Variants in GFOD2 observed in about 807,000 individuals in gnomAD.
The protein encoded by GFOD2 is glucose-fructose oxidoreductase domain-containing protein 2.
In GFOD2, 9 loss-of-function variants were observed where a neutral mutation model predicts 24.6. The observed-to-expected ratio is 0.37, with a 90% confidence interval of 0.22 to 0.64. The LOEUF is 0.64. GFOD2 is among the 30% of genes least tolerant of loss of function. The probability of loss-of-function intolerance (pLI) is 0.65; values close to 1 mark genes in which losing one functional copy is unlikely to be tolerated. For missense variants in GFOD2, 476 were observed against 532.5 expected, an observed-to-expected ratio of 0.89 and a Z score of 1.04; for synonymous variants, 211 against 224.8, an observed-to-expected ratio of 0.94 and a Z score of 0.55.
chr16:67,682,800 G>A (rs2053237760), intron 2 of GFOD2: 3 of 985,376 alleles, frequency 3.0e-6, no homozygotes, highest in Non-Finnish European at 3.6e-6. Context: ...ATGTAACCAA[G>A]ATGTCATTCC....
rs201012397 is a variant in GFOD2 at position 67,675,296 on chromosome 16, C to T, written c.1017G>A (p.Glu339=). 4.4e-3 allele frequency: 7,074 copies of T among 1,612,976 alleles called. 321 individuals carry two copies. The South Asian group carries it at 0.074, about 17-fold the overall frequency. ...RTPVSMAASF[E]DGLYMQSVVD... ...CCACGCTCTGCATGTACAGCCCATC[C>T]TCGAAGGAGGCGGCCATGGAGACAG... The change falls in exon 3 of 3, where the codon GAG becomes GAA. Residue 339 remains glutamate, a synonymous_variant. Coordinates refer to ENST00000268797, the MANE Select transcript of GFOD2 (RefSeq NM_030819.4).
At chr16:67,703,800 G>A (rs2053420289) in intron 1 of GFOD2, among the ~76,000 whole-genome samples, 1 of 152,188 alleles carries the variant, frequency 6.6e-6, no homozygotes, top group African/African-American at 2.4e-5. Context: ...GCTAGAGGCA[G>A]TGTACAGGCA....
At chr16:67,695,316 T>C (rs1597798077) in intron 1 of GFOD2, among the ~76,000 whole-genome samples, 1 of 152,058 alleles carries the variant, frequency 6.6e-6, no homozygotes, top group South Asian at 2.1e-4. Context: ...CTCTTTTCTC[T>C]TTGCTAATTC....
intron 1 of GFOD2, among the ~76,000 whole-genome samples, chr16:67,705,488 G>A (rs1413234132): frequency 2.0e-5 from 3 of 152,154 alleles, no homozygotes; most frequent in Non-Finnish European, 4.4e-5. Context: ...GAACACAGGC[G>A]TGAGCCACTG....
At chr16:67,682,444 T>C (rs1038516269) in intron 2 of GFOD2, 5 of 985,266 alleles carry the variant, frequency 5.1e-6, no homozygotes, top group Non-Finnish European at 6.0e-6. Context: ...GCAAAGATGC[T>C]AGGGGCACCT....
At chr16:67,716,949 T>G (rs570682586) in intron 1 of GFOD2, among the ~76,000 whole-genome samples, 9 of 152,322 alleles carry the variant, frequency 5.9e-5, no homozygotes, top group African/African-American at 1.9e-4. Context: ...CAGGCTGGAG[T>G]GCAATGGCGC....
At chr16:67,717,790 C>CGATA (rs56029322) in intron 1 of GFOD2, among the ~76,000 whole-genome samples, 32,348 of 151,056 alleles carry the variant, frequency 0.21, 4,294 homozygotes, top group African/African-American at 0.38. Context: ...GACTCCGTCT[C>CGATA]GATAGATAGA....
intron 2 of GFOD2, chr16:67,683,905 T>G (rs149561743): frequency 8.9e-7 from 1 of 1,122,088 alleles, no homozygotes; most frequent in African/African-American, 1.6e-5. Context: ...CAAGTAAGTA[T>G]GTGCTAGTTG....
chr16:67,686,177 G>C (rs1316205071), intron 1 of GFOD2, among the ~76,000 whole-genome samples: 1 of 152,106 alleles, frequency 6.6e-6, no homozygotes, highest in East Asian at 1.9e-4. Flanking sequence ...CTAGCTACCT[G>C]GGAGGCTGAG....
At chr16:67,702,234 A>G (rs912322804) in intron 1 of GFOD2, among the ~76,000 whole-genome samples, 1 of 152,104 alleles carries the variant, frequency 6.6e-6, no homozygotes, top group Non-Finnish European at 1.5e-5. Flanking sequence ...CTATAATCCC[A>G]GCAGTTTGAG....
chr16:67,676,129 T>C (rs766413820), intron 2 of GFOD2, 76 bp from the exon 3 acceptor site: 136 of 1,425,168 alleles, frequency 9.5e-5, no homozygotes, highest in Non-Finnish European at 1.2e-4. Flanking sequence ...CCTGAGGATT[T>C]TGGACTTCTC....
chr16:67,683,619 T>G, intron 2 of GFOD2: 1 of 1,231,770 alleles, frequency 8.1e-7, no homozygotes, highest in Non-Finnish European at 1.0e-6. Flanking sequence ...AAAACTTACT[T>G]GCTCCAAATT....
chr16:67,702,850 G>A (rs1388081771), intron 1 of GFOD2, among the ~76,000 whole-genome samples: 2 of 151,668 alleles, frequency 1.3e-5, no homozygotes, highest in African/African-American at 2.4e-5. Flanking sequence ...TGCCTGCCTC[G>A]GCCTCCCAAA....
intron 2 of GFOD2, among the ~76,000 whole-genome samples, chr16:67,678,476 C>CAAAAAA (rs144320358): frequency 2.9e-4 from 22 of 74,698 alleles, no homozygotes; most frequent in South Asian, 4.8e-4. Context: ...AACTCTGTCT[C>CAAAAAA]AAAAAAAAAA....
At chr16:67,682,774 A>G (rs770585394) in intron 2 of GFOD2, 2 of 985,394 alleles carry the variant, frequency 2.0e-6, no homozygotes, top group Non-Finnish European at 2.4e-6. Flanking sequence ...AAATCACAGC[A>G]CGAAGACTTG....
At position 67,675,117 on chromosome 16, in the gene GFOD2, G is replaced by A; in HGVS notation, c.*38C>T. 1 of 1,570,802 alleles carries A rather than the reference G, an allele frequency of 6.4e-7. No homozygotes were observed. On this transcript the variant is annotated 3_prime_UTR_variant, in exon 3 of 3. Coordinates refer to ENST00000268797, the MANE Select transcript of GFOD2 (RefSeq NM_030819.4). ...ATGTCTGGCTCCTGTTCCCCTCCCT[G>A]GTCCCTCTGCCCTGTGGCAAGGAGC... is the stretch of plus-strand genomic sequence containing the variant.
chr16:67,718,682 T>A (rs1029629316), intron 1 of GFOD2, among the ~76,000 whole-genome samples: 1 of 152,198 alleles, frequency 6.6e-6, no homozygotes, highest in African/African-American at 2.4e-5. Context: ...TTCTTCCACC[T>A]GTCAACTGAA....
intron 2 of GFOD2, chr16:67,684,235 T>C (rs1339973681): frequency 1.3e-5 from 2 of 151,708 alleles, no homozygotes; most frequent in African/African-American, 4.9e-5. Context: ...TAGCTGGGCG[T>C]GGTGGCACAT....
Position 67,702,272 on chromosome 16 carries a change from C to T in GFOD2, c.-87-16470G>A, listed in dbSNP as rs114151648. On this transcript the variant is annotated intron_variant, in intron 1 of 2. Coordinates refer to ENST00000268797, the MANE Select transcript of GFOD2 (RefSeq NM_030819.4). ...GCTGAGGCAGGCGGATTGCTTGAGG[C>T]TAGGAGTTTGAGACCAACATGTGAA... Among the ~76,000 whole-genome samples the T allele has an allele frequency of 1.8e-3, 281 of 152,086 alleles. 1 individual carries two copies. The highest frequency in any genetic ancestry group is 6.6e-3 in the African/African-American group (273 of 41,492).
Sources: allele counts gnomAD v4.1 joint callset (sites outside exome capture counted in the v4.1 genomes callset), GRCh38; gene constraint gnomAD v4.1.1; transcripts MANE v1.5; gene names NCBI Gene and HGNC (gene_info 2026-07-23, HGNC 2026-07-21).